The following KIAA1958 variants were observed in gnomAD, a reference collection of about 807,000 sequenced individuals.
KIAA1958 encodes the protein KIAA1958, also known as uncharacterized protein KIAA1958.
KIAA1958 carries 14 observed loss-of-function variants against 47.2 expected under a neutral mutation model. The observed-to-expected ratio is 0.30, with a 90% CI of 0.20 to 0.46. KIAA1958 has a LOEUF of 0.46. Among genes scored for constraint, KIAA1958 ranks in the 20% least tolerant of loss-of-function variants. The pLI is 1.00. For synonymous variants in KIAA1958, 354 were observed against 353.3 expected (o/e 1.00, Z -0.02); for missense variants, 803 against 909.2 (o/e 0.88, Z 1.50).
In KIAA1958 at chr9:112,659,787, G is replaced by C. The variant is rs773429813; in HGVS notation, c.1869G>C (p.Arg623=). Residue 623 remains arginine (R), a synonymous_variant, in exon 4 of 4, where the codon CGG becomes CGC. Transcript: ENST00000337530. ...GGAAGATCTACCATGAGCATTCCCG[G>C]GGACACAAACAGTGCCCTTACTGCC... ...CHGKIYHEHS[R]GHKQCPYCLL... is the part of the protein sequence containing the mutation. 6.2e-7 allele frequency: 1 copy of C among 1,614,100 alleles called. No homozygotes were observed. Among genetic ancestry groups the C allele is most frequent in the Non-Finnish European group, 8.5e-7 (1 of 1,180,024 alleles).
chr9:112,577,914 C>G (rs1815238325), intron 2 of KIAA1958, among the ~76,000 whole-genome samples: 1 of 152,116 alleles, frequency 6.6e-6, no homozygotes, highest in Non-Finnish European at 1.5e-5. Context: ...TATATACTGT[C>G]ATAAATTGTG....
intron 1 of KIAA1958, among the ~76,000 whole-genome samples, chr9:112,545,825 G>GTGTTTTTTTTT (rs60211721): frequency 1.5e-4 from 14 of 93,044 alleles, no homozygotes; most frequent in East Asian, 3.2e-4. Flanking sequence ...AGGTTTCTTT[G>GTGTTTTTTTTT]TTTTTTTTTT....
At chr9:112,496,508 T>TTTGTGAAA (rs1199684040) in intron 1 of KIAA1958, among the ~76,000 whole-genome samples, 1 of 152,214 alleles carries the variant, frequency 6.6e-6, no homozygotes, top group African/African-American at 2.4e-5. Context: ...GTGGGTTCTG[T>TTTGTGAAA]TTGTGAAATT....
At chr9:112,626,549 A>T (rs1356501742) in intron 2 of KIAA1958, among the ~76,000 whole-genome samples, 8 of 152,158 alleles carry the variant, frequency 5.3e-5, no homozygotes, top group Non-Finnish European at 1.2e-4. Flanking sequence ...AGCAATATAG[A>T]TTCCTAACAG....
Position 112,651,006 on chromosome 9 carries a change from TAAAAAC to T in KIAA1958, c.1344+5186_1344+5191del, listed in dbSNP as rs1203251376. 2.0e-5 allele frequency among the ~76,000 whole-genome samples: 3 copies of T among 152,276 alleles called. No individual in the cohort carries two copies. In the East Asian group the frequency reaches 5.8e-4, roughly 29 times the overall value. On this transcript the variant is annotated intron_variant, in intron 3 of 3. Transcript: ENST00000337530. ...GACATGAAGATCATGTGTATACACT[TAAAAAC>T]AGAGCATAAAAGCACATGAAGCAAA...
chr9:112,544,053 A>G (rs1273881642), intron 1 of KIAA1958, among the ~76,000 whole-genome samples: 3 of 151,982 alleles, frequency 2.0e-5, no homozygotes, highest in Admixed American at 1.3e-4. Context: ...CTATGTCTCT[A>G]TTGTCTTAGT....
intron 3 of KIAA1958, among the ~76,000 whole-genome samples, chr9:112,646,145 C>T (rs1836972089): frequency 6.6e-6 from 1 of 151,442 alleles, no homozygotes; most frequent in African/African-American, 2.4e-5. Context: ...GGACGGGAGC[C>T]TTCTAGGCTG....
At position 112,628,812 on chromosome 9, in the gene KIAA1958, C is replaced by G. The variant is rs148120901; in HGVS notation, c.1172-16838C>G. The stretch of plus-strand genomic sequence containing the variant: ...TTAGGTTTCTAATTTATAGAGTTTC[C>G]AATTTCTCCCACAATTTTAAATGTT... On this transcript the variant is annotated intron_variant, in intron 2 of 3. Transcript: ENST00000337530. Among the ~76,000 whole-genome samples, 575 of 152,084 alleles carry G rather than the reference C, an allele frequency of 3.8e-3. 5 individuals are homozygous for G. Among genetic ancestry groups the G allele is most frequent in the African/African-American group, 0.013 (555 of 41,528 alleles).
chr9:112,534,396 T>A (rs1834816418), intron 1 of KIAA1958, among the ~76,000 whole-genome samples: 1 of 152,192 alleles, frequency 6.6e-6, no homozygotes, highest in Non-Finnish European at 1.5e-5. Flanking sequence ...CAAAAAATGA[T>A]GTCAGGGTAT....
chr9:112,550,833 T>G (rs1396717513), intron 1 of KIAA1958, among the ~76,000 whole-genome samples: 2 of 152,182 alleles, frequency 1.3e-5, no homozygotes, highest in African/African-American at 4.8e-5. Context: ...CGACTGACCT[T>G]AGTTACTCAG....
At chr9:112,635,614 G>A (rs1322384445) in intron 2 of KIAA1958, among the ~76,000 whole-genome samples, 1 of 152,138 alleles carries the variant, frequency 6.6e-6, no homozygotes, top group Non-Finnish European at 1.5e-5. Flanking sequence ...TTGGTGAGTT[G>A]TGGCTTTTCT....
intron 1 of KIAA1958, among the ~76,000 whole-genome samples, chr9:112,498,161 T>C (rs1243098616): frequency 1.3e-5 from 2 of 152,170 alleles, no homozygotes; most frequent in African/African-American, 2.4e-5. Flanking sequence ...TTATCTGACA[T>C]CTTCTGAAAA....
intron 2 of KIAA1958, among the ~76,000 whole-genome samples, chr9:112,613,739 C>G (rs1836365726): frequency 6.6e-6 from 1 of 152,096 alleles, no homozygotes; most frequent in Non-Finnish European, 1.5e-5. Flanking sequence ...CCACTACATG[C>G]CCAGAATGGT....
intron 2 of KIAA1958, among the ~76,000 whole-genome samples, chr9:112,620,116 AT>A (rs1836477557): frequency 6.6e-6 from 1 of 152,310 alleles, no homozygotes; most frequent in Admixed American, 6.5e-5. Context: ...TATTATAATA[AT>A]TTTGGTTAAA....
At position 112,659,350 on chromosome 9, in the gene KIAA1958, C is replaced by G; in HGVS notation, c.1432C>G (p.Leu478Val). Residue 478 changes from leucine (L) to valine (V), a missense_variant, in exon 4 of 4, where the codon CTC becomes GTC. Transcript: ENST00000337530. The part of the protein sequence containing the change: ...SDGSDFLATS[L>V]HAIRRGLDRI... ...CGGCTCGGACTTCCTGGCCACCTCG[C>G]TCCATGCTATTCGCCGAGGCCTGGA... 1 of 1,614,170 alleles carries G rather than the reference C, an allele frequency of 6.2e-7. No individual in the cohort carries two copies. Among genetic ancestry groups the G allele is most frequent in the Non-Finnish European group, 8.5e-7 (1 of 1,180,038 alleles).
In KIAA1958 at chr9:112,518,094, A is replaced by G. The variant is rs1469425201; in HGVS notation, c.-25+30976A>G. On this transcript the variant is annotated intron_variant, in intron 1 of 3. Transcript: ENST00000337530. ...GCAGCTGGGAGCGGTGCCACATGCAAGCTGTCCCAGCTACTTGGGAGGCTG... is the reference window on the plus strand; with the variant it reads ...GCAGCTGGGAGCGGTGCCACATGCAGGCTGTCCCAGCTACTTGGGAGGCTG... 3.3e-5 allele frequency among the ~76,000 whole-genome samples: 5 copies of G among 152,196 alleles called. No homozygotes were observed. In the East Asian group the frequency reaches 7.7e-4, roughly 23 times the overall value.
chr9:112,504,402 G>A (rs778385745), intron 1 of KIAA1958, among the ~76,000 whole-genome samples: 8 of 152,022 alleles, frequency 5.3e-5, no homozygotes, highest in Non-Finnish European at 8.8e-5. Flanking sequence ...TTGGCCAGGC[G>A]GGTCTCGAAT....
intron 2 of KIAA1958, chr9:112,581,982 T>TA (rs1161707440): frequency 3.9e-6 from 1 of 253,382 alleles, no homozygotes; most frequent in Non-Finnish European, 8.2e-6. Context: ...CAGAGCCACA[T>TA]ACCCATGAAT....
chr9:112,655,786 A>G (rs112808012), intron 3 of KIAA1958, among the ~76,000 whole-genome samples: 2 of 152,294 alleles, frequency 1.3e-5, no homozygotes, highest in African/African-American at 4.8e-5. Context: ...GTCCACCTGG[A>G]GCATGGTGGC....
Sources: allele counts gnomAD v4.1 joint callset (sites outside exome capture counted in the v4.1 genomes callset), GRCh38; gene constraint gnomAD v4.1.1; transcripts MANE v1.5; gene names NCBI Gene and HGNC (gene_info 2026-07-23, HGNC 2026-07-21).